ATF7IP: variants seen among roughly 807,000 people sequenced by gnomAD.
ATF7IP encodes activating transcription factor 7 interacting protein.
Under a neutral mutation model 106.4 loss-of-function variants are expected in ATF7IP, and 23 were observed. That is an observed-to-expected ratio of 0.22 (90% CI 0.16 to 0.31). The LOEUF is 0.31. Among genes scored for constraint, ATF7IP ranks in the 10% least tolerant of loss-of-function variants. The pLI, the probability that ATF7IP is intolerant of heterozygous loss-of-function variation, is 1.00. For synonymous variants in ATF7IP, 542 were observed against 539.0 expected, an observed-to-expected ratio of 1.01 and a Z score of -0.08; for missense variants, 1,334 against 1,524.3, an observed-to-expected ratio of 0.88 and a Z score of 2.08.
intron 1 of ATF7IP, among the ~76,000 whole-genome samples, chr12:14,389,215 A>T (rs1401292197): frequency 6.6e-6 from 1 of 152,246 alleles, no homozygotes; most frequent in African/African-American, 2.4e-5. Context: ...GCTCAGAAGC[A>T]AGAAGTGCTA....
chr12:14,380,105 C>T (rs1358940110), intron 1 of ATF7IP, among the ~76,000 whole-genome samples: 1 of 152,132 alleles, frequency 6.6e-6, no homozygotes, highest in African/African-American at 2.4e-5. Flanking sequence ...ACTTTATCAT[C>T]CAGTCCTATT....
chr12:14,494,126 A>G (rs563897623), intron 13 of ATF7IP, among the ~76,000 whole-genome samples: 7 of 151,250 alleles, frequency 4.6e-5, no homozygotes, highest in Non-Finnish European at 8.8e-5. Flanking sequence ...TATTAGAATT[A>G]GAGTTTTTAA....
chr12:14,485,920 C>T (rs11513649), intron 13 of ATF7IP, among the ~76,000 whole-genome samples: 42,662 of 152,112 alleles, frequency 0.28, 7,442 homozygotes, highest in Admixed American at 0.44. Flanking sequence ...TGGCAAGCAC[C>T]GCCCCTGCAT....
At chr12:14,484,291 C>G (rs780402828) in intron 13 of ATF7IP, among the ~76,000 whole-genome samples, 1 of 152,112 alleles carries the variant, frequency 6.6e-6, no homozygotes, top group Non-Finnish European at 1.5e-5. Context: ...TGGGTGATGA[C>G]AGGGGTGGCT....
chr12:14,428,807 A>T (rs898196941), intron 2 of ATF7IP, among the ~76,000 whole-genome samples: 7 of 152,216 alleles, frequency 4.6e-5, no homozygotes, highest in Admixed American at 4.6e-4. Flanking sequence ...AGATAAAGCA[A>T]ATAGAAAAGC....
At chr12:14,389,794 A>G (rs939746205) in intron 1 of ATF7IP, among the ~76,000 whole-genome samples, 1 of 151,838 alleles carries the variant, frequency 6.6e-6, no homozygotes, top group African/African-American at 2.4e-5. Flanking sequence ...CGCCCGGCTA[A>G]TTTTGTATTT....
chr12:14,455,182 CAAAA>C (rs71438317), intron 6 of ATF7IP, among the ~76,000 whole-genome samples: 3 of 89,530 alleles, frequency 3.4e-5, no homozygotes, highest in Admixed American at 1.3e-4. Context: ...GACTCTATCT[CAAAA>C]AAAAAAAAAA....
intron 1 of ATF7IP, among the ~76,000 whole-genome samples, chr12:14,387,309 G>A (rs1221034858): frequency 1.3e-5 from 2 of 152,076 alleles, no homozygotes; most frequent in Admixed American, 6.6e-5. Context: ...AAAAGTGAAT[G>A]TGCTGTGACC....
At chr12:14,494,322 T>TAAAG (rs1944932044) in intron 13 of ATF7IP, among the ~76,000 whole-genome samples, 2 of 117,754 alleles carry the variant, frequency 1.7e-5, no homozygotes, top group African/African-American at 6.4e-5. Flanking sequence ...TATATATATA[T>TAAAG]ATATATATAT....
intron 2 of ATF7IP, among the ~76,000 whole-genome samples, chr12:14,429,220 T>G (rs1419499948): frequency 6.6e-6 from 1 of 152,182 alleles, no homozygotes; most frequent in African/African-American, 2.4e-5. Context: ...ATCATGTTAT[T>G]AAATCCGGGG....
chr12:14,436,078 G>A lies in ATF7IP; in HGVS notation c.1646-28G>A, dbSNP rs750253150. The A allele has an allele frequency of 2.5e-6, 4 of 1,608,148 alleles. No individual in the cohort carries two copies. The African/African-American group carries it at 4.0e-5, about 16-fold the overall frequency. ...TAAGAGCTATAAGAAAAACACCTGA[G>A]TGTGATCATTGTGGTTTTCCTTCTC... On this transcript the variant is annotated intron_variant, in intron 3 of 14. Transcript: ENST00000261168.
At chr12:14,383,790 G>A (rs1263063545) in intron 1 of ATF7IP, among the ~76,000 whole-genome samples, 1 of 152,102 alleles carries the variant, frequency 6.6e-6, no homozygotes, top group Non-Finnish European at 1.5e-5. Flanking sequence ...TCAAACTCCT[G>A]GCTTCAAGAG....
chr12:14,414,860 C>A (rs767020418), intron 1 of ATF7IP, among the ~76,000 whole-genome samples: 30 of 152,196 alleles, frequency 2.0e-4, no homozygotes, highest in Non-Finnish European at 8.8e-5. Flanking sequence ...CTCCTCATAC[C>A]TCATTCTGGG....
chr12:14,427,281 C>G (rs1046262900), intron 2 of ATF7IP, among the ~76,000 whole-genome samples: 8 of 151,776 alleles, frequency 5.3e-5, no homozygotes, highest in African/African-American at 1.9e-4. Flanking sequence ...TGCCACCACA[C>G]TTGGCAAAAT....
intron 1 of ATF7IP, among the ~76,000 whole-genome samples, chr12:14,401,328 C>G (rs1334027502): frequency 6.6e-6 from 1 of 152,000 alleles, no homozygotes; most frequent in Non-Finnish European, 1.5e-5. Context: ...TCCTGAGTAG[C>G]TGGGATTACA....
At chr12:14,496,065 C>T (rs193066564) in intron 13 of ATF7IP, among the ~76,000 whole-genome samples, 166 bp from the exon 14 acceptor site, 147 of 152,226 alleles carry the variant, frequency 9.7e-4, no homozygotes, top group African/African-American at 3.4e-3. Context: ...TATCCACAGG[C>T]TGATTGATAG....
chr12:14,483,644 T>C (rs1485044557), intron 13 of ATF7IP, among the ~76,000 whole-genome samples: 1 of 152,128 alleles, frequency 6.6e-6, no homozygotes, highest in African/African-American at 2.4e-5. Flanking sequence ...CACCCCCTGA[T>C]TCCTGGACCC....
intron 1 of ATF7IP, among the ~76,000 whole-genome samples, chr12:14,374,642 A>G (rs1938661624): frequency 6.6e-6 from 1 of 152,172 alleles, no homozygotes; most frequent in Admixed American, 6.5e-5. Context: ...TAAGGAATGA[A>G]TTAGACAGAT....
At chr12:14,465,915 A>G (rs1943814273) in intron 9 of ATF7IP, among the ~76,000 whole-genome samples, 1 of 152,170 alleles carries the variant, frequency 6.6e-6, no homozygotes, top group South Asian at 2.1e-4. Flanking sequence ...ATAGGTGCAA[A>G]AAACCTTTGA....
Sources: gnomAD v4.1 joint callset for allele counts (sites outside exome capture counted in the v4.1 genomes callset) on GRCh38, gnomAD v4.1.1 for gene constraint, MANE v1.5 for transcripts, NCBI Gene and HGNC (gene_info 2026-07-23, HGNC 2026-07-21) for gene names.